Variants in NDRG1 observed in about 807,000 individuals in gnomAD.
NDRG1 encodes N-myc downstream regulated 1, also known as protein NDRG1.
A neutral mutation model predicts 56.9 loss-of-function variants in NDRG1; 32 were observed. That is an observed-to-expected ratio of 0.56 (90% confidence interval 0.42 to 0.76). The LOEUF (loss-of-function observed/expected upper bound fraction) is 0.76. Among genes scored for constraint, NDRG1 ranks in the 30% least tolerant of loss-of-function variants. The probability of loss-of-function intolerance (pLI) is 0.00; values close to 1 mark genes in which losing one functional copy is unlikely to be tolerated. For missense variants in NDRG1, 507 were observed against 545.7 expected, an observed-to-expected ratio of 0.93 and a Z score of 0.71; for synonymous variants, 211 against 204.1, an observed-to-expected ratio of 1.03 and a Z score of -0.29.
chr8:133,287,395 C>G (rs935622883), intron 1 of NDRG1, among the ~76,000 whole-genome samples: 2 of 152,138 alleles, frequency 1.3e-5, no homozygotes, highest in Non-Finnish European at 2.9e-5. Context: ...TCTATGTGCC[C>G]AACACAGAGC....
intron 3 of NDRG1, among the ~76,000 whole-genome samples, chr8:133,266,224 G>T (rs1226229813): frequency 6.6e-6 from 1 of 152,214 alleles, no homozygotes; most frequent in Non-Finnish European, 1.5e-5. Flanking sequence ...CACTTGACCC[G>T]CCCGCAAGCG....
intron 9 of NDRG1, among the ~76,000 whole-genome samples, chr8:133,251,522 T>C (rs538070118): frequency 1.7e-4 from 26 of 152,330 alleles, no homozygotes; most frequent in African/African-American, 6.3e-4. Context: ...CCAAATAACT[T>C]GGGGTATAAT....
chr8:133,239,432 C>T, intron 15 of NDRG1: 1 of 547,952 alleles, frequency 1.8e-6, no homozygotes, highest in Non-Finnish European at 3.3e-6. Context: ...CCTCCCTGTT[C>T]CCATCTGTAA....
Position 133,289,058 on chromosome 8 carries a change from G to A in NDRG1, c.-18-4729C>T, listed in dbSNP as rs1224391918. 3.9e-5 allele frequency among the ~76,000 whole-genome samples: 6 copies of A among 152,118 alleles called. No homozygotes were observed. In the East Asian group the frequency reaches 7.7e-4, roughly 20 times the overall value. Reference sequence around the variant, plus strand: ...GCTCTGTGATCCTGCATAATTTATCGAATCTCTTTTTAAAAATGTATTATT... The same window carrying A: ...GCTCTGTGATCCTGCATAATTTATCAAATCTCTTTTTAAAAATGTATTATT... On this transcript the variant is annotated intron_variant, in intron 1 of 15. Transcript: ENST00000323851.
intron 13 of NDRG1, among the ~76,000 whole-genome samples, chr8:133,245,824 G>A (rs543633692): frequency 6.6e-6 from 1 of 152,318 alleles, no homozygotes; most frequent in Admixed American, 6.5e-5. Context: ...CCTTTTGAGG[G>A]AATCTTGAAA....
chr8:133,279,788 A>C lies in NDRG1; in HGVS notation c.99+444T>G, dbSNP rs115213842. On this transcript the variant is annotated intron_variant, in intron 3 of 15. Coordinates refer to ENST00000323851, the MANE Select transcript of NDRG1 (RefSeq NM_006096.4). The stretch of plus-strand genomic sequence containing the variant: ...ACAGCTGAGGTGCACCCCCTGGCCC[A>C]CCCTGCAATCCTGAGTGGGAATGGA... Among the ~76,000 whole-genome samples, 789 of 152,232 alleles carry C rather than the reference A, an allele frequency of 5.2e-3. 10 individuals are homozygous for C. The highest frequency in any genetic ancestry group is 0.018 in the African/African-American group (747 of 41,516).
At chr8:133,246,065 C>G (rs1855660150) in intron 13 of NDRG1, among the ~76,000 whole-genome samples, 1 of 152,244 alleles carries the variant, frequency 6.6e-6, no homozygotes, top group African/African-American at 2.4e-5. Context: ...GGCTGAGAGG[C>G]CCCTCTGAAA....
intron 11 of NDRG1, 46 bp from the exon 12 acceptor site, chr8:133,247,972 A>C: frequency 2.5e-6 from 4 of 1,599,774 alleles, no homozygotes; most frequent in Non-Finnish European, 3.4e-6. Flanking sequence ...GTTCCTTTAA[A>C]GATTGTCCCA....
chr8:133,258,000 G>A (rs1207623113), intron 7 of NDRG1, among the ~76,000 whole-genome samples: 2 of 152,126 alleles, frequency 1.3e-5, no homozygotes, highest in African/African-American at 4.8e-5. Flanking sequence ...AACTTCCCGT[G>A]TCTGATTCTA....
At chr8:133,273,165 G>A (rs1240177075) in intron 3 of NDRG1, among the ~76,000 whole-genome samples, 1 of 80,258 alleles carries the variant, frequency 1.2e-5, no homozygotes, top group South Asian at 1.4e-3. Context: ...GCCCTGGTGA[G>A]CACACAAACA....
At chr8:133,276,428 A>G (rs1857459309) in intron 3 of NDRG1, among the ~76,000 whole-genome samples, 1 of 152,238 alleles carries the variant, frequency 6.6e-6, no homozygotes, top group South Asian at 2.1e-4. Flanking sequence ...ATCCAGTGAT[A>G]GGGTTTGGCT....
At chr8:133,283,734 G>A (rs571339247) in intron 2 of NDRG1, among the ~76,000 whole-genome samples, 1 of 152,202 alleles carries the variant, frequency 6.6e-6, no homozygotes, top group African/African-American at 2.4e-5. Context: ...GATACTGAGA[G>A]GTTAGCAAGT....
chr8:133,252,762 C>G (rs762681801), intron 9 of NDRG1, among the ~76,000 whole-genome samples: 1 of 150,532 alleles, frequency 6.6e-6, no homozygotes, highest in Non-Finnish European at 1.5e-5. Flanking sequence ...TTCCCTCGTA[C>G]ACTCACCAGC....
chr8:133,266,627 C>T (rs1018100470), intron 3 of NDRG1, among the ~76,000 whole-genome samples: 4 of 152,216 alleles, frequency 2.6e-5, no homozygotes, highest in East Asian at 1.9e-4. Context: ...GCCACCCCCA[C>T]GCCATCCACA....
intron 3 of NDRG1, among the ~76,000 whole-genome samples, chr8:133,279,486 TG>T (rs752905255): frequency 1.3e-5 from 2 of 152,170 alleles, no homozygotes; most frequent in Non-Finnish European, 2.9e-5. Flanking sequence ...GGTCCCAAAC[TG>T]GGGACACCTG....
At chr8:133,270,406 G>A (rs1352699293) in intron 3 of NDRG1, among the ~76,000 whole-genome samples, 1 of 152,176 alleles carries the variant, frequency 6.6e-6, no homozygotes, top group Admixed American at 6.5e-5. Flanking sequence ...TCCAACTGAT[G>A]TACTAAGCAG....
intron 1 of NDRG1, among the ~76,000 whole-genome samples, chr8:133,295,877 G>C (rs996708495): frequency 6.6e-6 from 1 of 152,230 alleles, no homozygotes; most frequent in Non-Finnish European, 1.5e-5. Context: ...CCCAGCGTCC[G>C]TGAGGAAGGG....
intron 1 of NDRG1, among the ~76,000 whole-genome samples, chr8:133,294,931 G>A (rs1398721249): frequency 1.3e-5 from 2 of 152,166 alleles, no homozygotes; most frequent in African/African-American, 4.8e-5. Context: ...CCACCCAGGA[G>A]CCTCTCACAA....
At chr8:133,262,408 C>A (rs1384821673) in intron 4 of NDRG1, among the ~76,000 whole-genome samples, 1 of 152,010 alleles carries the variant, frequency 6.6e-6, no homozygotes, top group Non-Finnish European at 1.5e-5. Flanking sequence ...GCAGATGAGT[C>A]TTGCAGTTGG....
Sources: gnomAD v4.1 joint callset for allele counts (sites outside exome capture counted in the v4.1 genomes callset) on GRCh38, gnomAD v4.1.1 for gene constraint, MANE v1.5 for transcripts, NCBI Gene and HGNC (gene_info 2026-07-23, HGNC 2026-07-21) for gene names.